Variants in SNRPB observed in about 807,000 individuals in gnomAD.
SNRPB encodes small nuclear ribonucleoprotein polypeptides B and B1, also known as small nuclear ribonucleoprotein-associated proteins B and B'.
In SNRPB, 5 loss-of-function variants were observed where a neutral mutation model predicts 26.6. The observed-to-expected ratio is 0.19, with a 90% confidence interval of 0.10 to 0.39. The LOEUF (loss-of-function observed/expected upper bound fraction) is 0.39. Among genes scored for constraint, SNRPB ranks in the 10% least tolerant of loss-of-function variants. The pLI is 1.00. For synonymous variants in SNRPB, 122 were observed against 105.8 expected (o/e 1.15, Z -0.94); for missense variants, 211 against 311.9 (o/e 0.68, Z 2.44).
At position 2,461,759 on chromosome 20, in the gene SNRPB, G is replaced by A. The variant is rs757414177; in HGVS notation, c.*170C>T. On this transcript the variant is annotated 3_prime_UTR_variant, in exon 7 of 7. Transcript: ENST00000381342. ...GCTGAGGAGGGCCAAGATGAGTCTA[G>A]GGCCTTGGTGGGCGCATTCCCGGGG... The A allele has an allele frequency of 1.9e-6, 3 of 1,603,958 alleles. No homozygotes were observed. The highest frequency in any genetic ancestry group is 2.6e-6 in the Non-Finnish European group (3 of 1,174,550).
chr20:2,466,346 A>G (rs1253335576), intron 2 of SNRPB, among the ~76,000 whole-genome samples: 1 of 152,246 alleles, frequency 6.6e-6, no homozygotes, highest in Non-Finnish European at 1.5e-5. Context: ...ATACACAGAA[A>G]TTGAAATTTC....
At chr20:2,464,580 C>G (rs1032224126) in intron 3 of SNRPB, among the ~76,000 whole-genome samples, 8 of 152,102 alleles carry the variant, frequency 5.3e-5, no homozygotes, top group South Asian at 2.1e-4. Flanking sequence ...TGTTGAGCAA[C>G]TAGAAAAATG....
chr20:2,464,831 C>A (rs539430699), intron 3 of SNRPB, among the ~76,000 whole-genome samples: 2 of 150,758 alleles, frequency 1.3e-5, no homozygotes, highest in Non-Finnish European at 2.9e-5. Context: ...GATCGTGCCA[C>A]TGCACTCCAG....
At chr20:2,465,546 G>A (rs1004051751) in intron 3 of SNRPB, among the ~76,000 whole-genome samples, 162 bp downstream of exon 3, 5 of 151,684 alleles carry the variant, frequency 3.3e-5, no homozygotes, top group Admixed American at 6.6e-5. Flanking sequence ...CACCGCGCCC[G>A]GCCTCTTGCA....
intron 3 of SNRPB, among the ~76,000 whole-genome samples, chr20:2,465,379 C>A (rs2085065012): frequency 6.7e-6 from 1 of 149,322 alleles, no homozygotes; most frequent in Non-Finnish European, 1.5e-5. Flanking sequence ...TTCTTTCTTG[C>A]AGGGTAACCT....
chr20:2,461,844 G>C lies in SNRPB; in HGVS notation c.*85C>G, dbSNP rs2085035827. The C allele has an allele frequency of 5.6e-6, 9 of 1,614,042 alleles. 1 individual carries two copies. The East Asian group carries it at 1.6e-4, about 28-fold the overall frequency. The stretch of plus-strand genomic sequence containing the variant: ...TGAGACTCCACGAACAACAGCATAA[G>C]AAACAAACAGGTCTGTGGTAACGTG... On this transcript the variant is annotated 3_prime_UTR_variant, in exon 7 of 7. Coordinates refer to ENST00000381342, the MANE Select transcript of SNRPB (RefSeq NM_003091.4).
In SNRPB at chr20:2,461,841, T is replaced by TAAGAAA; in HGVS notation, c.*82_*87dup. On this transcript the variant is annotated 3_prime_UTR_variant, in exon 7 of 7. Coordinates refer to ENST00000381342, the MANE Select transcript of SNRPB (RefSeq NM_003091.4). ...CCATGAGACTCCACGAACAACAGCATAAGAAACAAACAGGTCTGTGGTAAC... is the reference window on the plus strand; with the variant it reads ...CCATGAGACTCCACGAACAACAGCATAAGAAAAAGAAACAAACAGGTCTGTGGTAAC... The TAAGAAA allele has an allele frequency of 6.2e-7, 1 of 1,613,730 alleles. No individual in the cohort carries two copies. The highest frequency in any genetic ancestry group is 1.1e-5 in the South Asian group (1 of 91,044).
intron 6 of SNRPB, among the ~76,000 whole-genome samples, chr20:2,462,243 T>C: frequency 6.6e-6 from 1 of 151,990 alleles, no homozygotes; most frequent in East Asian, 1.9e-4. Context: ...TGGGGACTGA[T>C]CTCAGAATTT....
chr20:2,463,666 G>T lies in SNRPB; in HGVS notation c.420+81C>A. ...TGACAATCACAGGTTGGTCACTCTG[G>T]ACCCTTTTAAAACTATGGACCCTCC... On this transcript the variant is annotated intron_variant, in intron 4 of 6. Transcript: ENST00000381342. This position sits in a 1 kb window ranked among gnomAD's most constrained non-coding sequence, Gnocchi z 5.0. 1 of 1,065,342 alleles carries T rather than the reference G, an allele frequency of 9.4e-7. No individual in the cohort carries two copies. The highest frequency in any genetic ancestry group is 1.4e-6 in the Non-Finnish European group (1 of 728,268). The allele number at this position is 1,065,342 out of a possible 1,614,324, so 66.0% of individuals were successfully genotyped here.
rs2085036341 is a variant in SNRPB at position 2,461,902 on chromosome 20, G to A, written c.*27C>T. 5 of 1,613,742 alleles carry A rather than the reference G, an allele frequency of 3.1e-6. No individual in the cohort carries two copies. The highest frequency in any genetic ancestry group is 2.2e-5 in the East Asian group (1 of 44,900). On this transcript the variant is annotated 3_prime_UTR_variant, in exon 7 of 7. Coordinates refer to ENST00000381342, the MANE Select transcript of SNRPB (RefSeq NM_003091.4). ...GGAATCGAGCCCACGCCTCTGCGGA[G>A]CTACTTCCATACTCTGTGGCCAAGG... is the stretch of plus-strand genomic sequence containing the variant.
chr20:2,470,366 G>A (rs186623507), intron 1 of SNRPB, among the ~76,000 whole-genome samples: 71 of 152,330 alleles, frequency 4.7e-4, no homozygotes, highest in Non-Finnish European at 4.6e-4. Flanking sequence ...CGAAGCCCGG[G>A]ACATATATTT....
intron 1 of SNRPB, among the ~76,000 whole-genome samples, chr20:2,469,832 C>A (rs1297065687): frequency 6.6e-6 from 1 of 152,206 alleles, no homozygotes; most frequent in Non-Finnish European, 1.5e-5. Context: ...CTTTCTCCTC[C>A]AGCAACTTTT....
intron 2 of SNRPB, 152 bp from the exon 3 acceptor site, chr20:2,465,971 G>A (rs1402789523): frequency 4.8e-6 from 3 of 621,178 alleles, no homozygotes; most frequent in Middle Eastern, 2.8e-4. Flanking sequence ...TCTACAGGCT[G>A]AACACATAAC....
chr20:2,468,259 A>G (rs192001765), intron 1 of SNRPB, among the ~76,000 whole-genome samples: 19 of 152,364 alleles, frequency 1.2e-4, no homozygotes, highest in Admixed American at 2.6e-4. Flanking sequence ...TGAAATCCAC[A>G]TATCAAGAAT....
At position 2,463,167 on chromosome 20, in the gene SNRPB, T is replaced by C; in HGVS notation, c.481A>G (p.Ile161Val). Residue 161 changes from isoleucine (I) to valine (V), a missense_variant, in exon 5 of 7, where the codon ATT becomes GTT. Transcript: ENST00000381342. The surrounding 1 kb of genome is among the most constrained non-coding windows in gnomAD (Gnocchi z 5.0). The part of the protein sequence containing the change: ...AAAAAAATAS[I>V]AGAPTQYPPG... ...GGGTACTGGGTTGGAGCCCCGGCAA[T>C]ACTGGCTGTGGCAGCAGCTGCAGCG... 2 of 1,612,518 alleles carry C rather than the reference T, an allele frequency of 1.2e-6. No homozygotes were observed. The highest frequency in any genetic ancestry group is 1.7e-6 in the Non-Finnish European group (2 of 1,178,792).
At position 2,461,959 on chromosome 20, in the gene SNRPB, T is replaced by G. The variant is rs1275351017; in HGVS notation, c.686-20A>C. The stretch of plus-strand genomic sequence containing the variant: ...GAAGGCCTGAAGTAAGAGTAAGAAG[T>G]TTAGTCAGTGCCTGATCTGCAACTT... On this transcript the variant is annotated intron_variant, in intron 6 of 6. Coordinates refer to ENST00000381342, the MANE Select transcript of SNRPB (RefSeq NM_003091.4). 4 of 1,593,056 alleles carry G rather than the reference T, an allele frequency of 2.5e-6. No individual in the cohort carries two copies. The African/African-American group carries it at 5.4e-5, about 21-fold the overall frequency.
At chr20:2,470,016 C>T (rs1252510955) in intron 1 of SNRPB, among the ~76,000 whole-genome samples, 1 of 152,166 alleles carries the variant, frequency 6.6e-6, no homozygotes, top group Non-Finnish European at 1.5e-5. Context: ...ACATTCTTAC[C>T]CCGCCCCGCT....
chr20:2,463,446 A>G lies in SNRPB; in HGVS notation c.421-219T>C, dbSNP rs1410128054. ...CTAGACCTGAATGTAAGCATGTCCA[A>G]TCCAAGTGAGAGAAGGCAACTGCAT... On this transcript the variant is annotated intron_variant, in intron 4 of 6. Transcript: ENST00000381342. This position sits in a 1 kb window ranked among gnomAD's most constrained non-coding sequence, Gnocchi z 5.0. 6.6e-6 allele frequency among the ~76,000 whole-genome samples: 1 copy of G among 152,242 alleles called. No individual in the cohort carries two copies. The highest frequency in any genetic ancestry group is 1.5e-5 in the Non-Finnish European group (1 of 68,044).
At chr20:2,466,448 T>A (rs1286945335) in intron 2 of SNRPB, among the ~76,000 whole-genome samples, 1 of 151,526 alleles carries the variant, frequency 6.6e-6, no homozygotes, top group African/African-American at 2.4e-5. Context: ...GTAGGAAAAA[T>A]AACTGCAACA....
Sources: gnomAD v4.1 joint callset for allele counts (sites outside exome capture counted in the v4.1 genomes callset) on GRCh38, gnomAD v4.1.1 for gene constraint, Gnocchi (gnomAD v3.1) non-coding constraint, MANE v1.5 for transcripts, NCBI Gene and HGNC (gene_info 2026-07-23, HGNC 2026-07-21) for gene names.